SLCO2B1: variants seen among roughly 807,000 people sequenced by gnomAD.
SLCO2B1 encodes the protein OATP-RP2.
SLCO2B1 carries 41 observed loss-of-function variants against 67.3 expected under a neutral mutation model. That is an observed-to-expected ratio of 0.61 (90% CI 0.47 to 0.79). SLCO2B1 has a LOEUF of 0.79. SLCO2B1 is among the 30% of genes least tolerant of loss of function. SLCO2B1 has a pLI of 0.00. For missense variants in SLCO2B1, 837 were observed against 920.1 expected, an observed-to-expected ratio of 0.91 and a Z score of 1.17; for synonymous variants, 379 against 381.4, an observed-to-expected ratio of 0.99 and a Z score of 0.07.
At chr11:75,156,541 A>G (rs1000632839) in intron 1 of SLCO2B1, among the ~76,000 whole-genome samples, 2 of 152,066 alleles carry the variant, frequency 1.3e-5, no homozygotes, top group Non-Finnish European at 2.9e-5. Context: ...GGTGTCTGCC[A>G]TTATCATGAG....
intron 6 of SLCO2B1, among the ~76,000 whole-genome samples, chr11:75,171,212 C>G (rs1265942799): frequency 2.6e-5 from 4 of 152,202 alleles, no homozygotes; most frequent in African/African-American, 4.8e-5. Flanking sequence ...TAGGATCAAG[C>G]ACCAGGGGAA....
intron 6 of SLCO2B1, among the ~76,000 whole-genome samples, chr11:75,170,268 T>TAAA (rs1231684082): frequency 6.6e-6 from 1 of 152,146 alleles, no homozygotes; most frequent in Non-Finnish European, 1.5e-5. Flanking sequence ...GATGGGACAT[T>TAAA]TACTGTGACC....
chr11:75,172,343 T>A (rs758769194), intron 6 of SLCO2B1, 36 bp from the exon 7 acceptor site: 1 of 1,582,048 alleles, frequency 6.3e-7, no homozygotes, highest in Non-Finnish European at 8.6e-7. Flanking sequence ...CAGCCTATCA[T>A]CCTGACCCTA....
intron 1 of SLCO2B1, among the ~76,000 whole-genome samples, chr11:75,161,008 T>C (rs928837714): frequency 1.2e-4 from 18 of 152,136 alleles, no homozygotes; most frequent in African/African-American, 4.3e-4. Context: ...TGGAAAATGG[T>C]TTGGCAGTTC....
At chr11:75,160,268 C>G (rs554301100) in intron 1 of SLCO2B1, among the ~76,000 whole-genome samples, 1 of 152,308 alleles carries the variant, frequency 6.6e-6, no homozygotes, top group Non-Finnish European at 1.5e-5. Context: ...TGCTTCTTCC[C>G]CCTGTCAAAC....
intron 7 of SLCO2B1, among the ~76,000 whole-genome samples, chr11:75,178,696 T>G (rs1415865918): frequency 6.6e-6 from 1 of 152,228 alleles, no homozygotes; most frequent in Admixed American, 6.5e-5. Context: ...CAATATATTG[T>G]TATTAACTGG....
rs192638215 is a variant in SLCO2B1 at position 75,160,157 on chromosome 11, C to T, written c.17-2498C>T. Among the ~76,000 whole-genome samples the T allele has an allele frequency of 2.1e-3, 320 of 152,324 alleles. 3 individuals carry two copies. Among genetic ancestry groups the T allele is most frequent in the Non-Finnish European group, 1.5e-3 (102 of 68,028 alleles). Reference sequence around the variant, plus strand: ...GACTTCTGCTCCCAGCCTCAGCTCCCGCTCTCTCACCTGGTTGGCTTGGCC... The same window carrying T: ...GACTTCTGCTCCCAGCCTCAGCTCCTGCTCTCTCACCTGGTTGGCTTGGCC... On this transcript the variant is annotated intron_variant, in intron 1 of 13. Coordinates refer to ENST00000289575, the MANE Select transcript of SLCO2B1 (RefSeq NM_007256.5).
chr11:75,176,717 C>T (rs2140320692), intron 7 of SLCO2B1, among the ~76,000 whole-genome samples: 1 of 152,262 alleles, frequency 6.6e-6, no homozygotes, highest in African/African-American at 2.4e-5. Context: ...AAACCCAGGA[C>T]TTAGGGCTGG....
chr11:75,190,082 C>T (rs992396697), intron 8 of SLCO2B1, among the ~76,000 whole-genome samples: 35 of 152,152 alleles, frequency 2.3e-4, no homozygotes, highest in Non-Finnish European at 4.4e-5. Flanking sequence ...CTAGACGCAG[C>T]GGCCGGGACT....
rs117800383 is a variant in SLCO2B1, at chr11:75,200,136, C to T, written c.1600-88C>T. Reference sequence around the variant, plus strand: ...CCCCAACTGGCTGTGGAACTTGGGCCTCTCACAAGCCTTCCCCGCTGCAAG... The same window carrying T: ...CCCCAACTGGCTGTGGAACTTGGGCTTCTCACAAGCCTTCCCCGCTGCAAG... On this transcript the variant is annotated intron_variant, in intron 10 of 13. Transcript: ENST00000289575. The T allele has an allele frequency of 1.1e-4, 150 of 1,393,280 alleles. 1 individual carries two copies. The East Asian group carries it at 3.5e-3, about 32-fold the overall frequency. The allele number at this position is 1,393,280 out of a possible 1,614,324, so 86.3% of individuals were successfully genotyped here. A position where few individuals can be genotyped will look rare whatever the true frequency, so the allele number is the denominator to read the frequency against.
Position 75,151,225 on chromosome 11 carries a change from G to A in SLCO2B1, c.-157G>A. On this transcript the variant is annotated 5_prime_UTR_variant, in exon 1 of 14. Transcript: ENST00000289575. The stretch of plus-strand genomic sequence containing the variant: ...TGTCCTGTGTGGCCCAAGAAGAACT[G>A]ACCCCGTGTCTGGAGCTCCCACCGT... 3 of 641,876 alleles carry A rather than the reference G, an allele frequency of 4.7e-6. No homozygotes were observed. Among genetic ancestry groups the A allele is most frequent in the Non-Finnish European group, 5.5e-6 (2 of 360,968 alleles). 39.8% of individuals were successfully genotyped at this position (641,876 alleles called of 1,614,324 possible). A position where few individuals can be genotyped will look rare whatever the true frequency, so the allele number is the denominator to read the frequency against.
Position 75,196,581 on chromosome 11 carries a change from A to G in SLCO2B1, c.1501A>G (p.Asn501Asp). ...CTGCTCCTGCCCATTGGACGGCTTT[A>G]ACCCTGTCTGCGACCCCAGCACTCG... ...EACSCPLDGF[N>D]PVCDPSTRVE... Residue 501 changes from asparagine (N) to aspartate (D), a missense_variant, in exon 10 of 14, where the codon AAC becomes GAC. Physicochemically the swap from Asn to Asp is conservative, Grantham distance 23. Transcript: ENST00000289575. 1 of 1,614,078 alleles carries G rather than the reference A, an allele frequency of 6.2e-7. No individual in the cohort carries two copies. The highest frequency in any genetic ancestry group is 8.5e-7 in the Non-Finnish European group (1 of 1,180,018).
intron 3 of SLCO2B1, 150 bp from the exon 4 acceptor site, chr11:75,165,637 C>T (rs554827823): frequency 5.3e-5 from 49 of 920,386 alleles, no homozygotes; most frequent in African/African-American, 2.2e-4. Flanking sequence ...GCGGCCCTTC[C>T]GAGGGGGACC....
chr11:75,168,112 C>G (rs1949914545), intron 4 of SLCO2B1, among the ~76,000 whole-genome samples: 1 of 152,096 alleles, frequency 6.6e-6, no homozygotes, highest in South Asian at 2.1e-4. Context: ...AGCCTGGTCT[C>G]AAACTCCTGA....
At chr11:75,202,547 G>A (rs1230576056) in intron 11 of SLCO2B1, 2 of 268,212 alleles carry the variant, frequency 7.5e-6, no homozygotes, top group Admixed American at 9.3e-5. Flanking sequence ...GGATGCTGGG[G>A]AAGTGTCTGA....
Position 75,181,402 on chromosome 11 carries a change from T to G in SLCO2B1, c.973-6734T>G, listed in dbSNP as rs900217088. On this transcript the variant is annotated intron_variant, in intron 7 of 13. Coordinates refer to ENST00000289575, the MANE Select transcript of SLCO2B1 (RefSeq NM_007256.5). ...AAAAAAAAAAAAGAAAAAAGAAAGCTGGAAGTGTGTTTCATTCTTCATGGA... is the reference window on the plus strand; with the variant it reads ...AAAAAAAAAAAAGAAAAAAGAAAGCGGGAAGTGTGTTTCATTCTTCATGGA... Among the ~76,000 whole-genome samples the G allele has an allele frequency of 4.7e-5, 7 of 149,616 alleles. No homozygotes were observed. In the South Asian group the frequency reaches 6.3e-4, roughly 13 times the overall value.
At chr11:75,188,364 C>T in intron 8 of SLCO2B1, 126 bp downstream of exon 8, 1 of 660,616 alleles carries the variant, frequency 1.5e-6, no homozygotes, top group Non-Finnish European at 2.7e-6. Flanking sequence ...TGAGCACCAT[C>T]TACTCCTTGT....
intron 7 of SLCO2B1, among the ~76,000 whole-genome samples, chr11:75,172,969 T>C (rs1025327274): frequency 1.1e-4 from 17 of 151,994 alleles, no homozygotes; most frequent in South Asian, 2.1e-4. Context: ...CTGGGCACTA[T>C]ACTTTCTGCC....
intron 8 of SLCO2B1, among the ~76,000 whole-genome samples, chr11:75,188,456 C>T (rs542936257): frequency 2.0e-5 from 3 of 152,232 alleles, no homozygotes; most frequent in East Asian, 3.9e-4. Flanking sequence ...CCAGGCATTG[C>T]GGCTCATGCC....
Sources: gnomAD v4.1 joint callset for allele counts (sites outside exome capture counted in the v4.1 genomes callset) on GRCh38, gnomAD v4.1.1 for gene constraint, MANE v1.5 for transcripts, NCBI Gene and HGNC (gene_info 2026-07-23, HGNC 2026-07-21) for gene names.